Variants in SRGAP3 observed in about 807,000 individuals in gnomAD.
The protein encoded by SRGAP3 is SLIT-ROBO Rho GTPase activating protein 3.
Under a neutral mutation model 121.1 loss-of-function variants are expected in SRGAP3, and 39 were observed. The observed-to-expected ratio is 0.32, with a 90% CI of 0.25 to 0.42. The LOEUF (loss-of-function observed/expected upper bound fraction) is 0.42. Ranked by LOEUF, SRGAP3 falls within the 10% of genes least tolerant of loss-of-function variation. The pLI, the probability that SRGAP3 is intolerant of heterozygous loss-of-function variation, is 1.00. For missense variants in SRGAP3, 1,213 were observed against 1,470.6 expected (o/e 0.82, Z 2.86); for synonymous variants, 601 against 570.0 (o/e 1.05, Z -0.77).
intron 1 of SRGAP3, among the ~76,000 whole-genome samples, chr3:9,182,582 T>G (rs1951448679): frequency 6.6e-6 from 1 of 152,198 alleles, no homozygotes; most frequent in African/African-American, 2.4e-5. Flanking sequence ...GCCACCCAGT[T>G]TTTGATGCTG....
intron 3 of SRGAP3, among the ~76,000 whole-genome samples, chr3:9,316,357 T>TAA (rs879391500): frequency 7.4e-6 from 1 of 135,556 alleles, no homozygotes; most frequent in Non-Finnish European, 1.6e-5. Flanking sequence ...CCTTCTTGGT[T>TAA]AAAAAAAAAA....
chr3:9,029,197 A>T (rs982564200), intron 12 of SRGAP3, among the ~76,000 whole-genome samples: 1 of 152,238 alleles, frequency 6.6e-6, no homozygotes, highest in Non-Finnish European at 1.5e-5. Context: ...TAGGTAATAC[A>T]TAGTGCTTAC....
intron 3 of SRGAP3, among the ~76,000 whole-genome samples, chr3:9,300,264 T>C (rs1028968225): frequency 9.1e-6 from 1 of 109,560 alleles, no homozygotes; most frequent in African/African-American, 3.4e-5. Context: ...TCTCCTCATG[T>C]GCACTCTGGA....
At chr3:9,056,170 A>T in intron 8 of SRGAP3, 63 bp downstream of exon 8, 7 of 1,502,832 alleles carry the variant, frequency 4.7e-6, no homozygotes, top group Non-Finnish European at 6.5e-6. Flanking sequence ...GCACAAGTGG[A>T]CTCCCTGGGA....
At chr3:9,013,983 C>T (rs1203706909) in intron 15 of SRGAP3, 141 bp from the exon 16 acceptor site, 2 of 769,496 alleles carry the variant, frequency 2.6e-6, no homozygotes, top group Non-Finnish European at 4.5e-6. Context: ...CACAGGTGAT[C>T]CTGGCCTGGC....
intron 4 of SRGAP3, among the ~76,000 whole-genome samples, chr3:9,065,785 G>A (rs1172416420): frequency 6.6e-6 from 1 of 152,148 alleles, no homozygotes; most frequent in Non-Finnish European, 1.5e-5. Context: ...TTTTGAATAA[G>A]GCTGCTATGA....
At chr3:9,208,294 G>A (rs1255717493) in intron 1 of SRGAP3, among the ~76,000 whole-genome samples, 1 of 151,792 alleles carries the variant, frequency 6.6e-6, no homozygotes, top group African/African-American at 2.4e-5. Context: ...TCAAAACATC[G>A]CAGGCAGAGC....
At chr3:9,297,988 C>A (rs1954980651) in intron 3 of SRGAP3, among the ~76,000 whole-genome samples, 1 of 152,064 alleles carries the variant, frequency 6.6e-6, no homozygotes, top group Non-Finnish European at 1.5e-5. Flanking sequence ...AGAAGGCCAC[C>A]TACACGCCAA....
chr3:9,011,737 A>C (rs1943389014), intron 17 of SRGAP3, among the ~76,000 whole-genome samples: 1 of 152,272 alleles, frequency 6.6e-6, no homozygotes, highest in Middle Eastern at 3.4e-3. Flanking sequence ...CCAGCCCACA[A>C]CAGATGATTG....
chr3:9,073,372 T>C lies in SRGAP3; in HGVS notation c.486+6653A>G, dbSNP rs113005887. Among the ~76,000 whole-genome samples, 11 of 152,362 alleles carry C rather than the reference T, an allele frequency of 7.2e-5. 3 individuals are homozygous for C. Among genetic ancestry groups the C allele is most frequent in the African/African-American group, 2.6e-4 (11 of 41,580 alleles). Reference sequence around the variant, plus strand: ...GTTGCCCAGGCTGGTCTTGAACTCCTAGGCTCAAGCGATCTGCCTGACTTG... The same window carrying C: ...GTTGCCCAGGCTGGTCTTGAACTCCCAGGCTCAAGCGATCTGCCTGACTTG... On this transcript the variant is annotated intron_variant, in intron 4 of 21. Coordinates refer to ENST00000383836, the MANE Select transcript of SRGAP3 (RefSeq NM_014850.4).
intron 3 of SRGAP3, among the ~76,000 whole-genome samples, chr3:9,094,872 C>T (rs150315611): frequency 0.05 from 7,606 of 152,168 alleles, 283 homozygotes; most frequent in Non-Finnish European, 0.079. Flanking sequence ...CCTCCCACCT[C>T]AGCCTCCTGA....
chr3:9,183,731 G>A (rs887147782), intron 1 of SRGAP3, among the ~76,000 whole-genome samples: 3 of 150,532 alleles, frequency 2.0e-5, no homozygotes, highest in African/African-American at 7.3e-5. Flanking sequence ...CTTCCACATG[G>A]TTGTGTTATA....
chr3:9,174,668 C>T (rs1267427605), intron 1 of SRGAP3, among the ~76,000 whole-genome samples: 2 of 152,210 alleles, frequency 1.3e-5, no homozygotes, highest in African/African-American at 4.8e-5. Context: ...ATTCCAGCCT[C>T]GCCTGACCTT....
At chr3:9,070,435 C>T (rs1347366748) in intron 4 of SRGAP3, among the ~76,000 whole-genome samples, 1 of 152,224 alleles carries the variant, frequency 6.6e-6, no homozygotes, top group African/African-American at 2.4e-5. Context: ...AGGCCAGGGT[C>T]TTGTTCGTGA....
intron 1 of SRGAP3, among the ~76,000 whole-genome samples, chr3:9,165,768 T>C (rs1950765928): frequency 6.6e-6 from 1 of 152,196 alleles, no homozygotes; most frequent in South Asian, 2.1e-4. Context: ...TGCCTTGGTC[T>C]GCAGCGCTCC....
At chr3:9,343,592 T>C (rs542477257) in intron 1 of SRGAP3, among the ~76,000 whole-genome samples, 24 of 152,366 alleles carry the variant, frequency 1.6e-4, no homozygotes, top group African/African-American at 5.3e-4. Flanking sequence ...CATTGTATTA[T>C]ATATACTTCT....
chr3:9,070,959 T>C (rs757842512), intron 4 of SRGAP3, among the ~76,000 whole-genome samples: 4 of 152,088 alleles, frequency 2.6e-5, no homozygotes, highest in African/African-American at 4.8e-5. Flanking sequence ...TAGGAAGGCT[T>C]CCCGGAGGAA....
chr3:9,047,347 G>A (rs776615075), intron 10 of SRGAP3, 44 bp downstream of exon 10: 5 of 1,596,330 alleles, frequency 3.1e-6, no homozygotes, highest in Admixed American at 1.7e-5. Flanking sequence ...GAGAGCCAGT[G>A]GGGAACGCAG....
At chr3:9,329,949 AT>A (rs1955579465) in intron 2 of SRGAP3, among the ~76,000 whole-genome samples, 1 of 152,198 alleles carries the variant, frequency 6.6e-6, no homozygotes, top group Non-Finnish European at 1.5e-5. Context: ...AAGAGCCCTC[AT>A]TTTTAAAAGT....
Sources: gnomAD v4.1 joint callset for allele counts (sites outside exome capture counted in the v4.1 genomes callset) on GRCh38, gnomAD v4.1.1 for gene constraint, MANE v1.5 for transcripts, NCBI Gene and HGNC (gene_info 2026-07-23, HGNC 2026-07-21) for gene names.